Variants in PAPOLG observed in about 807,000 individuals in gnomAD.
The protein encoded by PAPOLG is PAP-gamma.
PAPOLG carries 40 observed loss-of-function variants against 99.0 expected under a neutral mutation model. The ratio of observed to expected loss-of-function variants is 0.40; its 90% CI spans 0.31 to 0.53. PAPOLG has a LOEUF of 0.53. PAPOLG is among the 20% of genes least tolerant of loss of function. The pLI is 0.41. For synonymous variants in PAPOLG, 310 were observed against 299.3 expected (o/e 1.04, Z -0.37); for missense variants, 675 against 884.1 (o/e 0.76, Z 3.00).
chr2:60,793,920 A>G, intron 18 of PAPOLG, 51 bp from the exon 19 acceptor site: 1 of 1,562,310 alleles, frequency 6.4e-7, no homozygotes, highest in Non-Finnish European at 8.7e-7. Flanking sequence ...TCTCAAGGAA[A>G]AAAAAATTAC....
chr2:60,794,886 A>T, intron 20 of PAPOLG, 78 bp from the exon 21 acceptor site: 3 of 1,579,394 alleles, frequency 1.9e-6, no homozygotes, highest in East Asian at 2.2e-5. Flanking sequence ...GGTTTTCGTT[A>T]GGTTTTATTT....
In PAPOLG at chr2:60,756,407, G is replaced by C; in HGVS notation, c.-72G>C. The C allele has an allele frequency of 6.2e-7, 1 of 1,603,458 alleles. No individual in the cohort carries two copies. On this transcript the variant is annotated 5_prime_UTR_variant, in exon 1 of 22. Coordinates refer to ENST00000238714, the MANE Select transcript of PAPOLG (RefSeq NM_022894.4). Reference sequence around the variant, plus strand: ...CTAGCGACCGGAGGAAAGTGAACAGGGGGAGAAGGGAACAGCAAGAACAGG... The same window carrying C: ...CTAGCGACCGGAGGAAAGTGAACAGCGGGAGAAGGGAACAGCAAGAACAGG...
chr2:60,791,635 TGTGGGTGG>T (rs1166205435), intron 15 of PAPOLG, 118 bp from the exon 16 acceptor site: 6 of 1,068,992 alleles, frequency 5.6e-6, no homozygotes, highest in Non-Finnish European at 4.0e-6. Flanking sequence ...GTGAGAGGGT[TGTGGGTGG>T]GTGGGTGGCC....
rs539185031 is a variant in PAPOLG at position 60,781,917 on chromosome 2, C to T, written c.939C>T (p.Pro313=). The stretch of plus-strand genomic sequence containing the variant: ...CATCAGATAGGTATCATCTCATGCC[C>T]ATAATCACCCCTGCCTACCCACAAC... ...VNPSDRYHLM[P]IITPAYPQQN... is the part of the protein sequence containing the mutation. The change falls in exon 11 of 22, where the codon CCC becomes CCT. Residue 313 remains proline (P), a synonymous_variant. Transcript: ENST00000238714. 228 of 1,613,594 alleles carry T rather than the reference C, an allele frequency of 1.4e-4. No individual in the cohort carries two copies. Among genetic ancestry groups the T allele is most frequent in the Non-Finnish European group, 1.8e-4 (218 of 1,179,672 alleles).
chr2:60,796,103 A>G (rs1671687800), intron 21 of PAPOLG, among the ~76,000 whole-genome samples: 2 of 151,388 alleles, frequency 1.3e-5, no homozygotes, highest in African/African-American at 4.8e-5. Context: ...ATGCATATGG[A>G]TATGATACAG....
chr2:60,774,085 G>GTGTTTTT (rs1553377516), intron 7 of PAPOLG, among the ~76,000 whole-genome samples: 2 of 148,438 alleles, frequency 1.3e-5, no homozygotes, highest in South Asian at 2.1e-4. Flanking sequence ...GTTGCCCCAT[G>GTGTTTTT]TGTTTTTTGT....
chr2:60,775,331 A>C (rs1670984488), intron 8 of PAPOLG, among the ~76,000 whole-genome samples: 1 of 152,182 alleles, frequency 6.6e-6, no homozygotes, highest in Non-Finnish European at 1.5e-5. Flanking sequence ...TAAAAACTTA[A>C]AGCCCTGACT....
In PAPOLG at chr2:60,800,756, A is replaced by G. The variant is rs13419008; in HGVS notation, c.*3596A>G. ...TGCATTTTTCTTGGGGAAAGTGCAT[A>G]GTTTAGATCAGCTTCTCGAAGTGGC... On this transcript the variant is annotated 3_prime_UTR_variant, in exon 22 of 22. Coordinates refer to ENST00000238714, the MANE Select transcript of PAPOLG (RefSeq NM_022894.4). 35,451 of 152,144 alleles carry G rather than the reference A, an allele frequency of 0.23. 4,716 individuals are homozygous for G. Among genetic ancestry groups the G allele is most frequent in the African/African-American group, 0.34 (14,185 of 41,456 alleles). 9.4% of individuals were successfully genotyped at this position (152,144 alleles called of 1,614,324 possible). A position where few individuals can be genotyped will look rare whatever the true frequency, so the allele number is the denominator to read the frequency against.
Position 60,797,191 on chromosome 2 carries a change from C to G in PAPOLG, c.*31C>G. 1 of 1,611,292 alleles carries G rather than the reference C, an allele frequency of 6.2e-7. No homozygotes were observed. Among genetic ancestry groups the G allele is most frequent in the Non-Finnish European group, 8.5e-7 (1 of 1,177,778 alleles). ...GTGCCTCCTCACTTAAGTGAACAAG[C>G]AATCATTTAGTGGCATAGATGCAGC... is the stretch of plus-strand genomic sequence containing the variant. On this transcript the variant is annotated 3_prime_UTR_variant, in exon 22 of 22. Transcript: ENST00000238714.
chr2:60,800,812 C>G lies in PAPOLG; in HGVS notation c.*3652C>G, dbSNP rs1319940468. ...TATGGGAGTTAGGGTTAGGAACCACCAGGATTGAATAATCCTGGAATATTA... is the reference window on the plus strand; with the variant it reads ...TATGGGAGTTAGGGTTAGGAACCACGAGGATTGAATAATCCTGGAATATTA... On this transcript the variant is annotated 3_prime_UTR_variant, in exon 22 of 22. Coordinates refer to ENST00000238714, the MANE Select transcript of PAPOLG (RefSeq NM_022894.4). The G allele has an allele frequency of 1.3e-5, 2 of 152,180 alleles. No homozygotes were observed. Among genetic ancestry groups the G allele is most frequent in the East Asian group, 1.9e-4 (1 of 5,272 alleles). The allele number at this position is 152,180 out of a possible 1,614,324, so 9.4% of individuals were successfully genotyped here.
chr2:60,764,998 T>C (rs1670631047), intron 3 of PAPOLG, among the ~76,000 whole-genome samples: 1 of 152,166 alleles, frequency 6.6e-6, no homozygotes, highest in Non-Finnish European at 1.5e-5. Flanking sequence ...TCAAAAAAAA[T>C]AAAGTTAGTT....
rs1236323224 is a variant in PAPOLG at position 60,756,504 on chromosome 2, TG to T, written c.17+15del. 3.8e-6 allele frequency: 5 copies of T among 1,310,114 alleles called. No homozygotes were observed. The highest frequency in any genetic ancestry group is 3.9e-5 in the East Asian group (1 of 25,862). The allele number at this position is 1,310,114 out of a possible 1,614,324, so 81.2% of individuals were successfully genotyped here. A position where few individuals can be genotyped will look rare whatever the true frequency, so the allele number is the denominator to read the frequency against. On this transcript the variant is annotated intron_variant, in intron 1 of 21. Transcript: ENST00000238714. ...ATGAAAGAGATGTCTGCGTAAGTGGTGGGGGGCGGCGGTTGGGGTGAGGCGG... is the reference window on the plus strand; with the variant it reads ...ATGAAAGAGATGTCTGCGTAAGTGGTGGGGGCGGCGGTTGGGGTGAGGCGG...
intron 7 of PAPOLG, among the ~76,000 whole-genome samples, chr2:60,774,129 C>G (rs1237470150): frequency 6.6e-6 from 1 of 151,874 alleles, no homozygotes; most frequent in Non-Finnish European, 1.5e-5. Context: ...GAGTCTCGCT[C>G]TGTCGCCCAG....
At chr2:60,788,894 T>C (rs1162674999) in intron 15 of PAPOLG, among the ~76,000 whole-genome samples, 1 of 152,026 alleles carries the variant, frequency 6.6e-6, no homozygotes, top group African/African-American at 2.4e-5. Flanking sequence ...TCTGGGAGGC[T>C]GAGGTGGGAG....
chr2:60,767,352 T>C (rs1014708148), intron 3 of PAPOLG, among the ~76,000 whole-genome samples: 1 of 151,798 alleles, frequency 6.6e-6, no homozygotes, highest in African/African-American at 2.4e-5. Context: ...TTTCTTTTTT[T>C]TTTTTTTTGA....
chr2:60,791,667 G>A lies in PAPOLG; in HGVS notation c.1397-94G>A. 7 of 1,459,652 alleles carry A rather than the reference G, an allele frequency of 4.8e-6. No individual in the cohort carries two copies. In the South Asian group the frequency reaches 8.8e-5, roughly 18 times the overall value. The allele number at this position is 1,459,652 out of a possible 1,614,324, so 90.4% of individuals were successfully genotyped here. A position where few individuals can be genotyped will look rare whatever the true frequency, so the allele number is the denominator to read the frequency against. Reference sequence around the variant, plus strand: ...GGGTGGGTGGCCGGTGGTGATAGTGGGGAGATAGTAAAAGTATATGCATTT... The same window carrying A: ...GGGTGGGTGGCCGGTGGTGATAGTGAGGAGATAGTAAAAGTATATGCATTT... On this transcript the variant is annotated intron_variant, in intron 15 of 21. Transcript: ENST00000238714.
At position 60,773,443 on chromosome 2, in the gene PAPOLG, G is replaced by T. The variant is rs1255051966; in HGVS notation, c.605-1591G>T. On this transcript the variant is annotated intron_variant, in intron 7 of 21. Coordinates refer to ENST00000238714, the MANE Select transcript of PAPOLG (RefSeq NM_022894.4). The stretch of plus-strand genomic sequence containing the variant: ...AAGGGTTCTTTAATTTGGCATGTTT[G>T]TGAGGTTTATCTGTATTTGTTCCGT... Among the ~76,000 whole-genome samples, 21 of 152,252 alleles carry T rather than the reference G, an allele frequency of 1.4e-4. No homozygotes were observed. In the East Asian group the frequency reaches 3.5e-3, roughly 25 times the overall value.
chr2:60,762,387 T>G (rs988868150), intron 3 of PAPOLG, among the ~76,000 whole-genome samples: 16 of 152,102 alleles, frequency 1.1e-4, no homozygotes, highest in African/African-American at 3.9e-4. Flanking sequence ...TTTCCTGCTT[T>G]GTGTAGTGCA....
rs1273158466 is a variant in PAPOLG, at chr2:60,801,870, A to G, written c.*4710A>G. 6 of 151,622 alleles carry G rather than the reference A, an allele frequency of 4.0e-5. No homozygotes were observed. The highest frequency in any genetic ancestry group is 7.4e-5 in the Non-Finnish European group (5 of 67,708). The allele number at this position is 151,622 out of a possible 1,614,324, so 9.4% of individuals were successfully genotyped here. A position where few individuals can be genotyped will look rare whatever the true frequency, so the allele number is the denominator to read the frequency against. ...GAACAAAGACCCACGTACTTATCTT[A>G]GAAAGTACTTAGGATATCTTTGAGA... On this transcript the variant is annotated 3_prime_UTR_variant, in exon 22 of 22. Transcript: ENST00000238714.
Sources: allele counts gnomAD v4.1 joint callset (sites outside exome capture counted in the v4.1 genomes callset), GRCh38; gene constraint gnomAD v4.1.1; transcripts MANE v1.5; gene names NCBI Gene and HGNC (gene_info 2026-07-23, HGNC 2026-07-21).